NTM: variants seen among roughly 807,000 people sequenced by gnomAD.
NTM encodes IgLON family member 2.
A neutral mutation model predicts 42.1 loss-of-function variants in NTM; 13 were observed. The observed-to-expected ratio is 0.31, with a 90% CI of 0.20 to 0.49. NTM has a LOEUF of 0.49. Ranked by LOEUF, NTM falls within the 20% of genes least tolerant of loss-of-function variation. The pLI is 0.99. For synonymous variants in NTM, 187 were observed against 179.2 expected (o/e 1.04, Z -0.35); for missense variants, 373 against 452.8 (o/e 0.82, Z 1.60).
chr11:132,184,727 A>T (rs1317317600), intron 3 of NTM, among the ~76,000 whole-genome samples: 2 of 152,206 alleles, frequency 1.3e-5, no homozygotes, highest in African/African-American at 2.4e-5. Flanking sequence ...ATTATTTGTA[A>T]TTACACAAGA....
At chr11:131,637,664 C>T (rs1027269011) in intron 1 of NTM, among the ~76,000 whole-genome samples, 7 of 151,828 alleles carry the variant, frequency 4.6e-5, no homozygotes, top group African/African-American at 1.5e-4. Context: ...TCTCTGCTCC[C>T]GTTCCTCACC....
rs2089632812 is a variant in NTM, at chr11:131,788,476, C to G, written c.83-123088C>G. ...TTAAAAATTTATTTTAATTTTTTGA[C>G]TGAGTCATTGGTAGATATTCTTTTG... On this transcript the variant is annotated intron_variant, in intron 1 of 8. Coordinates refer to ENST00000683400, the MANE Select transcript of NTM (RefSeq NM_001352005.2). 2.6e-5 allele frequency among the ~76,000 whole-genome samples: 4 copies of G among 151,818 alleles called. No individual in the cohort carries two copies. The South Asian group carries it at 8.3e-4, about 32-fold the overall frequency.
intron 2 of NTM, among the ~76,000 whole-genome samples, chr11:131,918,257 T>C (rs2056710159): frequency 6.6e-6 from 1 of 152,140 alleles, no homozygotes; most frequent in African/African-American, 2.4e-5. Context: ...AGGCCATGTT[T>C]CCCTAAGTGC....
At chr11:131,385,826 C>G (rs917076266) in intron 1 of NTM, among the ~76,000 whole-genome samples, 7 of 152,184 alleles carry the variant, frequency 4.6e-5, no homozygotes, top group Admixed American at 3.9e-4. Flanking sequence ...CCACCGCACT[C>G]CAGCCTGCAC....
At chr11:131,424,746 T>G (rs1404374774) in intron 1 of NTM, among the ~76,000 whole-genome samples, 7 of 135,212 alleles carry the variant, frequency 5.2e-5, no homozygotes, top group African/African-American at 1.7e-4. Flanking sequence ...TTTTTTTGTA[T>G]TTTTAGTAGA....
At chr11:131,919,774 G>T (rs900218176) in intron 2 of NTM, among the ~76,000 whole-genome samples, 1 of 151,946 alleles carries the variant, frequency 6.6e-6, no homozygotes, top group Non-Finnish European at 1.5e-5. Flanking sequence ...GTGCATATAT[G>T]TGTATATAAT....
intron 1 of NTM, among the ~76,000 whole-genome samples, chr11:131,872,963 A>G (rs1405544501): frequency 6.6e-6 from 1 of 152,118 alleles, no homozygotes; most frequent in African/African-American, 2.4e-5. Context: ...TCCCACCAAC[A>G]ATGTAAAAAC....
chr11:131,894,952 C>T (rs779135155), intron 1 of NTM, among the ~76,000 whole-genome samples: 11 of 152,272 alleles, frequency 7.2e-5, no homozygotes, highest in South Asian at 4.1e-4. Flanking sequence ...TTTGCTGTGA[C>T]GGATGGGTCT....
chr11:131,403,323 T>C (rs1371416067), intron 1 of NTM, among the ~76,000 whole-genome samples: 1 of 152,198 alleles, frequency 6.6e-6, no homozygotes, highest in East Asian at 1.9e-4. Flanking sequence ...TCCATTCCTA[T>C]TTTCACTTCA....
chr11:131,708,023 T>C (rs1007615545), intron 1 of NTM, among the ~76,000 whole-genome samples: 11 of 152,152 alleles, frequency 7.2e-5, no homozygotes, highest in Non-Finnish European at 1.5e-4. Context: ...CTCTAAAGAC[T>C]GACTCTACCA....
intron 1 of NTM, among the ~76,000 whole-genome samples, chr11:131,564,636 A>C (rs1481946408): frequency 6.6e-6 from 1 of 152,204 alleles, no homozygotes; most frequent in East Asian, 1.9e-4. Flanking sequence ...CAAGGTAACA[A>C]ATATATCCAT....
intron 2 of NTM, among the ~76,000 whole-genome samples, chr11:132,040,474 C>T (rs1326436262): frequency 3.3e-5 from 5 of 152,214 alleles, no homozygotes; most frequent in African/African-American, 1.2e-4. Context: ...TTCCTCAGCA[C>T]ACCTGAAGGC....
At chr11:132,054,518 C>T (rs2079318964) in intron 2 of NTM, among the ~76,000 whole-genome samples, 1 of 152,212 alleles carries the variant, frequency 6.6e-6, no homozygotes, top group Non-Finnish European at 1.5e-5. Flanking sequence ...TTCTGAAGAG[C>T]CCAGAGCAAA....
intron 1 of NTM, among the ~76,000 whole-genome samples, chr11:131,393,628 G>C (rs11222598): frequency 0.41 from 61,869 of 152,052 alleles, 13,267 homozygotes; most frequent in African/African-American, 0.53. Context: ...GGTGAACAGA[G>C]AGGGAGGGCC....
intron 2 of NTM, among the ~76,000 whole-genome samples, chr11:132,073,562 T>C (rs867868118): frequency 2.6e-5 from 4 of 152,160 alleles, no homozygotes; most frequent in African/African-American, 9.7e-5. Context: ...TTAAATAGCA[T>C]AGAAAGAGGT....
rs1338847315 is a variant in NTM at position 131,962,837 on chromosome 11, G to A, written c.167+51189G>A. ...CCTCCCTCCTTCCACCCCAAGTAGTGTGAGCAATGACCACACTGTCCTTCA... is the reference window on the plus strand; with the variant it reads ...CCTCCCTCCTTCCACCCCAAGTAGTATGAGCAATGACCACACTGTCCTTCA... On this transcript the variant is annotated intron_variant, in intron 2 of 8. Transcript: ENST00000683400. Among the ~76,000 whole-genome samples the A allele has an allele frequency of 2.6e-5, 4 of 152,060 alleles. No homozygotes were observed. The East Asian group carries it at 7.7e-4, about 29-fold the overall frequency.
chr11:132,029,186 G>GA (rs2075599114), intron 2 of NTM, among the ~76,000 whole-genome samples: 1 of 151,820 alleles, frequency 6.6e-6, no homozygotes, highest in South Asian at 2.1e-4. Context: ...CATCTCTGAG[G>GA]ATCTCTTTTT....
chr11:132,087,478 G>A (rs947570847), intron 2 of NTM, among the ~76,000 whole-genome samples: 1 of 152,082 alleles, frequency 6.6e-6, no homozygotes, highest in African/African-American at 2.4e-5. Flanking sequence ...CCCAAGGCTT[G>A]GAATTGAGTT....
chr11:132,043,390 T>G (rs761934798), intron 2 of NTM, among the ~76,000 whole-genome samples: 1 of 152,250 alleles, frequency 6.6e-6, no homozygotes, highest in Admixed American at 6.5e-5. Flanking sequence ...GTGAGCCATG[T>G]GCATTTCAGC....
Sources: allele counts gnomAD v4.1 joint callset (sites outside exome capture counted in the v4.1 genomes callset), GRCh38; gene constraint gnomAD v4.1.1; transcripts MANE v1.5; gene names NCBI Gene and HGNC (gene_info 2026-07-23, HGNC 2026-07-21).